Variants in DNAH17 observed in about 807,000 individuals in gnomAD.
The protein encoded by DNAH17 is dynein axonemal heavy chain 17.
In DNAH17, 376 loss-of-function variants were observed where a neutral mutation model predicts 485.6. The observed-to-expected ratio is 0.77, with a 90% CI of 0.71 to 0.84. The LOEUF (loss-of-function observed/expected upper bound fraction) is 0.84, where lower values mean the gene tolerates loss of function less well. Ranked by LOEUF, DNAH17 falls within the 40% of genes least tolerant of loss-of-function variation. The pLI is 0.00. For synonymous variants in DNAH17, 3,031 were observed against 2,405.9 expected, an observed-to-expected ratio of 1.26 and a Z score of -7.60; for missense variants, 6,370 against 5,839.3, an observed-to-expected ratio of 1.09 and a Z score of -2.96.
At chr17:78,547,725 C>T (rs8072197) in intron 16 of DNAH17, among the ~76,000 whole-genome samples, 22,029 of 151,514 alleles carry the variant, frequency 0.15, 1,724 homozygotes, top group East Asian at 0.3. Context: ...TCAAGCAATT[C>T]TCCTGCCTCA....
intron 32 of DNAH17, 24 bp downstream of exon 32, chr17:78,502,862 G>A (rs762194373): frequency 1.2e-5 from 20 of 1,608,670 alleles, no homozygotes; most frequent in South Asian, 5.5e-5. Flanking sequence ...ACGAGGCGCC[G>A]CCGAGCCCCC....
At position 78,458,689 on chromosome 17, in the gene DNAH17, C is replaced by G; in HGVS notation, c.9862-9G>C. 1 of 1,612,336 alleles carries G rather than the reference C, an allele frequency of 6.2e-7. No individual in the cohort carries two copies. Among genetic ancestry groups the G allele is most frequent in the Non-Finnish European group, 8.5e-7 (1 of 1,178,368 alleles). On this transcript the variant is annotated splice_polypyrimidine_tract_variant and intron_variant, in intron 61 of 80. Transcript: ENST00000389840. ...AGGTTGGCGTTAAGTTCCTGCAAAA[C>G]CAAGTTGGAAAGCTGCTGGAAAACC...
chr17:78,499,029 G>GACTTCCACTGAGATGC lies in DNAH17; in HGVS notation c.5708_5723dup (p.Leu1909HisfsTer58). 1.2e-6 allele frequency: 2 copies of GACTTCCACTGAGATGC among 1,610,620 alleles called. No homozygotes were observed. The highest frequency in any genetic ancestry group is 2.2e-5 in the South Asian group (2 of 90,418). The stretch of plus-strand genomic sequence containing the variant: ...TTACCTGCACGGCAATCACAGACAA[G>GACTTCCACTGAGATGC]ACTTCCACTGAGATGCGATTAAACT... On this transcript the variant is annotated frameshift_variant, in exon 37 of 81. Transcript: ENST00000389840. LOFTEE classifies it high-confidence loss of function.
intron 24 of DNAH17, among the ~76,000 whole-genome samples, chr17:78,525,394 G>T (rs1214625962): frequency 6.6e-6 from 1 of 152,170 alleles, no homozygotes; most frequent in Non-Finnish European, 1.5e-5. Context: ...ACCAGCGTGG[G>T]GACTGACTCC....
rs574839179 is a variant in DNAH17 at position 78,571,315 on chromosome 17, G to C, written c.796C>G (p.Pro266Ala). The stretch of plus-strand genomic sequence containing the variant: ...TTGGTGTAAACGTTTTGCAGGGCTG[G>C]CCAGTAGCAGCTTTTGGCTTTCTCT... ...ILEKAKSCYWPALQNVYTNVT... is the reference protein window; with the variant it reads ...ILEKAKSCYWAALQNVYTNVT... The change falls in exon 5 of 81, where the codon CCA becomes GCA. Residue 266 changes from proline to alanine, a missense_variant. Coordinates refer to ENST00000389840, the MANE Select transcript of DNAH17 (RefSeq NM_173628.4). The C allele has an allele frequency of 5.0e-6, 8 of 1,613,822 alleles. No homozygotes were observed. The highest frequency in any genetic ancestry group is 6.8e-6 in the Non-Finnish European group (8 of 1,179,812).
In DNAH17 at chr17:78,530,366, G is replaced by T; in HGVS notation, c.3261C>A (p.His1087Gln). 1.2e-6 allele frequency: 2 copies of T among 1,611,644 alleles called. No individual in the cohort carries two copies. The highest frequency in any genetic ancestry group is 1.7e-6 in the Non-Finnish European group (2 of 1,178,232). ...IRRWGFMFKRHLSNHVTNSLA... is the reference protein window; with the variant it reads ...IRRWGFMFKRQLSNHVTNSLA... ...ACCTGTTGGTGACGTGGTTGCTCAGGTGCCGCTTGAACATGAAGCCCCAGC... is the reference window on the plus strand; with the variant it reads ...ACCTGTTGGTGACGTGGTTGCTCAGTTGCCGCTTGAACATGAAGCCCCAGC... Residue 1087 changes from histidine to glutamine, a missense_variant, in exon 21 of 81, where the codon CAC becomes CAA. Coordinates refer to ENST00000389840, the MANE Select transcript of DNAH17 (RefSeq NM_173628.4).
chr17:78,478,781 C>CTA (rs1201688898), intron 51 of DNAH17: 6 of 481,502 alleles, frequency 1.2e-5, no homozygotes, highest in Non-Finnish European at 2.2e-5. Flanking sequence ...ATCACCATCA[C>CTA]TATCATCATA....
intron 44 of DNAH17, among the ~76,000 whole-genome samples, chr17:78,488,213 C>A (rs11077371): frequency 1.3e-5 from 2 of 152,012 alleles, no homozygotes; most frequent in African/African-American, 4.8e-5. Flanking sequence ...CACATGCTTG[C>A]GAGACAGGCC....
rs758436054 is a variant in DNAH17 at position 78,569,211 on chromosome 17, G to C, written c.1239C>G (p.Ala413=). 5 of 1,609,550 alleles carry C rather than the reference G, an allele frequency of 3.1e-6. No individual in the cohort carries two copies. The highest frequency in any genetic ancestry group is 4.2e-6 in the Non-Finnish European group (5 of 1,177,956). ...GGAAGAAGGAATTTATCCTGGAAAA[G>C]GCAAGAGAAGAAGGGAATTCCCAAG... ...PVPWEFPSSL[A]FSRINSFFQR... The change falls in exon 9 of 81, where the codon GCC becomes GCG. Residue 413 remains alanine (A), a synonymous_variant. Coordinates refer to ENST00000389840, the MANE Select transcript of DNAH17 (RefSeq NM_173628.4).
At chr17:78,509,952 C>T (rs1263431453) in intron 27 of DNAH17, among the ~76,000 whole-genome samples, 2 of 152,154 alleles carry the variant, frequency 1.3e-5, no homozygotes, top group East Asian at 1.9e-4. Context: ...GAGGCTGAGG[C>T]GAGCGGGTCA....
rs1444598618 is a variant in DNAH17, at chr17:78,445,622, G to A, written c.11270C>T (p.Pro3757Leu). The A allele has an allele frequency of 2.6e-6, 4 of 1,568,614 alleles. No homozygotes were observed. Among genetic ancestry groups the A allele is most frequent in the Non-Finnish European group, 3.5e-6 (4 of 1,156,680 alleles). Reference protein sequence around the residue: ...PVELDFLLRFPFKAGVVSPVD... With the variant: ...PVELDFLLRFLFKAGVVSPVD... ...TGGTGAGACCACTCCGGCCTTAAAA[G>A]GGAACCGCAGGAGGAAATCCAGCTC... Residue 3757 changes from proline (P) to leucine (L), a missense_variant, in exon 70 of 81, where the codon CCT (proline) becomes CTT (leucine). Coordinates refer to ENST00000389840, the MANE Select transcript of DNAH17 (RefSeq NM_173628.4).
intron 20 of DNAH17, among the ~76,000 whole-genome samples, chr17:78,531,750 T>A (rs1036571142): frequency 6.6e-6 from 1 of 152,236 alleles, no homozygotes; most frequent in Non-Finnish European, 1.5e-5. Flanking sequence ...TCTTTACAGG[T>A]GAAGTGAGTT....
At chr17:78,574,682 A>C in intron 2 of DNAH17, 31 bp downstream of exon 2, 2 of 1,559,358 alleles carry the variant, frequency 1.3e-6, no homozygotes, top group Non-Finnish European at 1.7e-6. Context: ...GTCGTGCTCG[A>C]CACCCCGGAT....
chr17:78,488,101 T>C (rs1172681714), intron 44 of DNAH17, among the ~76,000 whole-genome samples: 1 of 152,224 alleles, frequency 6.6e-6, no homozygotes, highest in African/African-American at 2.4e-5. Flanking sequence ...ACTTTGAAGA[T>C]GTTTGTGTCA....
chr17:78,568,232 G>A (rs62075943), intron 9 of DNAH17, among the ~76,000 whole-genome samples: 1,826 of 152,210 alleles, frequency 0.012, 17 homozygotes, highest in Middle Eastern at 0.031. Flanking sequence ...TTGGCCCAAA[G>A]TGTGACTGTG....
intron 37 of DNAH17, among the ~76,000 whole-genome samples, chr17:78,498,562 G>T (rs567494178): frequency 6.6e-6 from 1 of 152,192 alleles, no homozygotes; most frequent in East Asian, 1.9e-4. Context: ...GGTCGCCCCA[G>T]CCACTCCGCT....
chr17:78,484,755 C>CCCCCCCCCCCCCCCCCCCCCCCCCCA, intron 48 of DNAH17, 113 bp downstream of exon 48: 2 of 645,924 alleles, frequency 3.1e-6, no homozygotes, highest in Non-Finnish European at 4.4e-6. Context: ...CCCACCGCCC[C>CCCCCCCCCCCCCCCCCCCCCCCCCCA]ACACCAGTCC....
chr17:78,475,091 G>A (rs765794657), intron 54 of DNAH17, among the ~76,000 whole-genome samples, 187 bp downstream of exon 54: 10 of 152,254 alleles, frequency 6.6e-5, no homozygotes, highest in East Asian at 1.9e-4. Flanking sequence ...TCAGTCACAC[G>A]GGCACGCACG....
At position 78,550,059 on chromosome 17, in the gene DNAH17, C is replaced by T. The variant is rs532736822; in HGVS notation, c.2391+1476G>A. Among the ~76,000 whole-genome samples, 5 of 152,268 alleles carry T rather than the reference C, an allele frequency of 3.3e-5. No homozygotes were observed. In the East Asian group the frequency reaches 9.7e-4, roughly 29 times the overall value. ...GTGCAGAGACAGACAAGAGACCTGG[C>T]CCCCAGACCTGAGACACTGGGGAAA... On this transcript the variant is annotated intron_variant, in intron 16 of 80. Coordinates refer to ENST00000389840, the MANE Select transcript of DNAH17 (RefSeq NM_173628.4).
Sources: allele counts gnomAD v4.1 joint callset (sites outside exome capture counted in the v4.1 genomes callset), GRCh38; gene constraint gnomAD v4.1.1; transcripts MANE v1.5; gene names NCBI Gene and HGNC (gene_info 2026-07-23, HGNC 2026-07-21).